The following PACS2 variants were observed in gnomAD, a reference collection of about 807,000 sequenced individuals.
The protein encoded by PACS2 is PACS1-like protein.
Under a neutral mutation model 113.0 loss-of-function variants are expected in PACS2, and 36 were observed. The observed-to-expected ratio is 0.32, with a 90% CI of 0.24 to 0.42. The LOEUF is 0.42. PACS2 is among the 10% of genes least tolerant of loss of function. The pLI is 1.00. For missense variants in PACS2, 1,015 were observed against 1,239.5 expected (o/e 0.82, Z 2.72); for synonymous variants, 589 against 536.1 (o/e 1.10, Z -1.36).
intron 1 of PACS2, among the ~76,000 whole-genome samples, chr14:105,328,083 G>A (rs1442163493): frequency 6.6e-6 from 1 of 152,274 alleles, no homozygotes; most frequent in Non-Finnish European, 1.5e-5. Context: ...CCCTGCAGTG[G>A]TTCCAGTTAT....
At chr14:105,334,487 G>C (rs587704133) in intron 1 of PACS2, among the ~76,000 whole-genome samples, 1 of 151,240 alleles carries the variant, frequency 6.6e-6, no homozygotes, top group African/African-American at 2.4e-5. Flanking sequence ...CTGAGGCCCA[G>C]TGTCTACGTA....
At chr14:105,306,815 A>G (rs1379349221) in intron 1 of PACS2, among the ~76,000 whole-genome samples, 2 of 152,098 alleles carry the variant, frequency 1.3e-5, no homozygotes, top group Non-Finnish European at 2.9e-5. Context: ...CATGTTGGCC[A>G]GGCTCGTCTT....
In PACS2 at chr14:105,382,562, C is replaced by T. The variant is rs782287853; in HGVS notation, c.1499C>T (p.Thr500Ile). 7 of 1,609,042 alleles carry T rather than the reference C, an allele frequency of 4.4e-6. No individual in the cohort carries two copies. Among genetic ancestry groups the T allele is most frequent in the African/African-American group, 4.0e-5 (3 of 74,742 alleles). ...QLPENIILVNTSDWQGQFLSD... is the reference protein window; with the variant it reads ...QLPENIILVNISDWQGQFLSD... The stretch of plus-strand genomic sequence containing the variant: ...CCCGAAAACATCATCCTTGTCAACA[C>T]CTCGGACTGGCAGGGGCAGGTAGAG... The change falls in exon 14 of 25, where the codon ACC (threonine) becomes ATC (isoleucine). Residue 500 changes from threonine to isoleucine, a missense_variant. Transcript: ENST00000447393.
At chr14:105,380,596 A>G (rs898327926) in intron 11 of PACS2, among the ~76,000 whole-genome samples, 1 of 138,202 alleles carries the variant, frequency 7.2e-6, no homozygotes. Context: ...GCCTGGACTC[A>G]CCCCACCCGC....
intron 1 of PACS2, among the ~76,000 whole-genome samples, chr14:105,318,959 C>CAGAA (rs1391811159): frequency 6.8e-6 from 1 of 146,430 alleles, no homozygotes; most frequent in Admixed American, 6.9e-5. Flanking sequence ...CACGCCCTGC[C>CAGAA]TATTTTATTT....
rs2081363453 is a variant in PACS2, at chr14:105,391,702, G to A, written c.2191G>A (p.Ala731Thr). ...SSTPPSASPA[A>T]KEASPTPPSS... ...CACCCCGCCGTCCGCATCTCCTGCG[G>A]CCAAGGAGGCCTCACCCACCCCGCC... The change falls in exon 22 of 25, where the codon GCC becomes ACC. Residue 731 changes from alanine (A) to threonine (T), a missense_variant. Around this residue, in one of 3 missense-constraint regions of PACS2, gnomAD observed 859 missense variants for 1,056.8 expected, o/e 0.81. Transcript: ENST00000447393. 1 of 1,604,184 alleles carries A rather than the reference G, an allele frequency of 6.2e-7. No homozygotes were observed. Among genetic ancestry groups the A allele is most frequent in the Non-Finnish European group, 8.5e-7 (1 of 1,176,112 alleles).
chr14:105,332,282 G>A (rs587609198), intron 1 of PACS2, among the ~76,000 whole-genome samples: 6 of 152,292 alleles, frequency 3.9e-5, no homozygotes, highest in African/African-American at 1.4e-4. Context: ...CCTCACTGGC[G>A]CTGGGAAGCA....
At position 105,366,469 on chromosome 14, in the gene PACS2, G is replaced by T. The variant is rs1335712110; in HGVS notation, c.424-744G>T. Among the ~76,000 whole-genome samples, 2 of 152,250 alleles carry T rather than the reference G, an allele frequency of 1.3e-5. No homozygotes were observed. Among genetic ancestry groups the T allele is most frequent in the Non-Finnish European group, 2.9e-5 (2 of 68,044 alleles). ...CCAAGGCTGTGAGTGTCTGAGAGTT[G>T]TCGTCATGGCGTGTGGTTCTGAGGC... On this transcript the variant is annotated intron_variant, in intron 4 of 24. Coordinates refer to ENST00000447393, the MANE Select transcript of PACS2 (RefSeq NM_001100913.3). The surrounding 1 kb of genome is among the most constrained non-coding windows in gnomAD (Gnocchi z 4.3).
chr14:105,316,325 C>T (rs1199197160), intron 1 of PACS2, among the ~76,000 whole-genome samples: 6 of 152,250 alleles, frequency 3.9e-5, no homozygotes, highest in African/African-American at 1.4e-4. Flanking sequence ...TCTCTGGGGC[C>T]TCAAAGCCAA....
chr14:105,359,262 G>A (rs1419235492), intron 4 of PACS2, among the ~76,000 whole-genome samples: 1 of 150,804 alleles, frequency 6.6e-6, no homozygotes, highest in Non-Finnish European at 1.5e-5. Context: ...CTATTCACAG[G>A]CACCACTTAA....
intron 1 of PACS2, among the ~76,000 whole-genome samples, chr14:105,325,299 T>C (rs1045524493): frequency 5.3e-5 from 8 of 152,104 alleles, no homozygotes; most frequent in Non-Finnish European, 1.2e-4. Flanking sequence ...AGATGGGTTC[T>C]AATGACCCCT....
At chr14:105,334,079 A>G (rs983034416) in intron 1 of PACS2, among the ~76,000 whole-genome samples, 3 of 152,216 alleles carry the variant, frequency 2.0e-5, no homozygotes, top group Non-Finnish European at 4.4e-5. Context: ...GCCTGGATCC[A>G]CGATGCCCTG....
chr14:105,370,109 G>C (rs12882675), intron 8 of PACS2: 524,387 of 530,328 alleles, frequency 0.99, 259,415 homozygotes, highest in East Asian at 1. Flanking sequence ...TGCTGAAGTA[G>C]AAGTCGTGAA....
intron 8 of PACS2, 35 bp downstream of exon 8, chr14:105,369,935 C>G (rs140338412): frequency 3.2e-6 from 5 of 1,569,758 alleles, no homozygotes; most frequent in Non-Finnish European, 4.3e-6. Flanking sequence ...GCGGCCCCCA[C>G]GCCTGCAACA....
rs587775148 is a variant in PACS2 at position 105,397,307 on chromosome 14, G to C, written c.*2635G>C. 1.3e-5 allele frequency: 2 copies of C among 152,576 alleles called. No individual in the cohort carries two copies. The highest frequency in any genetic ancestry group is 2.9e-5 in the Non-Finnish European group (2 of 68,222). 9.5% of individuals were successfully genotyped at this position (152,576 alleles called of 1,614,324 possible). On this transcript the variant is annotated 3_prime_UTR_variant, in exon 25 of 25. Coordinates refer to ENST00000447393, the MANE Select transcript of PACS2 (RefSeq NM_001100913.3). ...CACTCTGTCCCACCAAGGACAACTA[G>C]AAACCAAAGCCATCTGACAGCCAGT...
At chr14:105,375,361 C>T (rs2061315547) in intron 8 of PACS2, among the ~76,000 whole-genome samples, 1 of 151,858 alleles carries the variant, frequency 6.6e-6, no homozygotes, top group Non-Finnish European at 1.5e-5. Context: ...GCCTGTAGTC[C>T]CAGCTACTCA....
chr14:105,396,497 CTT>C lies in PACS2; in HGVS notation c.*1845_*1846del, dbSNP rs1170035802. 2,692 of 115,476 alleles carry C rather than the reference CTT, an allele frequency of 0.023. 66 individuals carry two copies. Among genetic ancestry groups the C allele is most frequent in the African/African-American group, 0.09 (2,553 of 28,358 alleles). 7.2% of individuals were successfully genotyped at this position (115,476 alleles called of 1,614,324 possible). On this transcript the variant is annotated 3_prime_UTR_variant, in exon 25 of 25. Coordinates refer to ENST00000447393, the MANE Select transcript of PACS2 (RefSeq NM_001100913.3). ...GTTTTTCTGCTCTCCAGTTTCTTTTCTTTTTTTTTTTTTTTTTTTTTGAGATG... is the reference window on the plus strand; with the variant it reads ...GTTTTTCTGCTCTCCAGTTTCTTTTCTTTTTTTTTTTTTTTTTTTGAGATG...
At chr14:105,313,154 G>A (rs1171639468), upstream of PACS2, among the ~76,000 whole-genome samples, 6 of 152,212 alleles carry the variant, frequency 3.9e-5, no homozygotes, top group Non-Finnish European at 5.9e-5. Flanking sequence ...GCCTGGGTTA[G>A]ACGCTGGCAT....
chr14:105,334,147 G>A (rs915599933), intron 1 of PACS2, among the ~76,000 whole-genome samples: 6 of 152,216 alleles, frequency 3.9e-5, no homozygotes, highest in Non-Finnish European at 7.4e-5. Context: ...GGCAGTGGCC[G>A]CCGTCTGCTC....
Sources: gnomAD v4.1 joint callset for allele counts (sites outside exome capture counted in the v4.1 genomes callset) on GRCh38, gnomAD v4.1.1 for gene constraint, gnomAD v4.1.1 regional missense constraint, Gnocchi (gnomAD v3.1) non-coding constraint, MANE v1.5 for transcripts, NCBI Gene and HGNC (gene_info 2026-07-23, HGNC 2026-07-21) for gene names.